Variants in PPP1R8 observed in about 807,000 individuals in gnomAD.
PPP1R8 encodes the protein nuclear inhibitor of protein phosphatase 1.
In PPP1R8, 4 loss-of-function variants were observed where a neutral mutation model predicts 31.3. The ratio of observed to expected loss-of-function variants is 0.13; its 90% CI spans 0.06 to 0.29. The LOEUF (loss-of-function observed/expected upper bound fraction) is 0.29. PPP1R8 is among the 10% of genes least tolerant of loss of function. The probability of loss-of-function intolerance (pLI) is 1.00; values close to 1 mark genes in which losing one functional copy is unlikely to be tolerated. For missense variants in PPP1R8, 254 were observed against 440.1 expected (o/e 0.58, Z 3.78); for synonymous variants, 170 against 169.7 (o/e 1.00, Z -0.01).
At chr1:27,847,542 C>T (rs919948502) in intron 6 of PPP1R8, among the ~76,000 whole-genome samples, 3 of 150,926 alleles carry the variant, frequency 2.0e-5, no homozygotes, top group African/African-American at 7.3e-5. Context: ...ACCATCCTGG[C>T]CAACATGTTG....
intron 2 of PPP1R8, among the ~76,000 whole-genome samples, chr1:27,835,651 A>G (rs768994647): frequency 3.3e-5 from 5 of 152,240 alleles, no homozygotes; most frequent in African/African-American, 4.8e-5. Flanking sequence ...AGTGTGACCC[A>G]CAGTACTTAT....
At chr1:27,849,893 G>A (rs1240579926) in intron 6 of PPP1R8, among the ~76,000 whole-genome samples, 200 bp from the exon 7 acceptor site, 3 of 152,228 alleles carry the variant, frequency 2.0e-5, no homozygotes, top group Admixed American at 2.0e-4. Flanking sequence ...AACCATCGTA[G>A]ATGACTGGAA....
intron 4 of PPP1R8, among the ~76,000 whole-genome samples, chr1:27,842,323 CAA>C (rs1455280520): frequency 1.0e-5 from 1 of 96,326 alleles, no homozygotes; most frequent in African/African-American, 4.3e-5. Flanking sequence ...GCCTGGGCAA[CAA>C]GAGCGAAACT....
At chr1:27,831,013 G>A in intron 1 of PPP1R8, 122 bp downstream of exon 1, 2 of 1,421,888 alleles carry the variant, frequency 1.4e-6, no homozygotes, top group Admixed American at 3.1e-5. Context: ...GAATGGTTGA[G>A]GAAAAACTGT....
chr1:27,843,140 T>C (rs2089239000), intron 4 of PPP1R8, 46 bp from the exon 5 acceptor site: 1 of 1,604,056 alleles, frequency 6.2e-7, no homozygotes. Flanking sequence ...TCCATCAGAT[T>C]CCCTTTGTAC....
chr1:27,838,670 A>G, intron 2 of PPP1R8, 29 bp from the exon 3 acceptor site: 1 of 1,368,670 alleles, frequency 7.3e-7, no homozygotes, highest in Non-Finnish European at 9.7e-7. Flanking sequence ...AACAAGATTT[A>G]AGTAATATTT....
In PPP1R8 at chr1:27,851,466, C is replaced by T; in HGVS notation, c.*1020C>T. 4.5e-6 allele frequency: 2 copies of T among 446,740 alleles called. No homozygotes were observed. Among genetic ancestry groups the T allele is most frequent in the Non-Finnish European group, 9.1e-6 (2 of 219,734 alleles). 27.7% of individuals were successfully genotyped at this position (446,740 alleles called of 1,614,324 possible). ...CATTTGTGTAATAGGCCTTTTCATG[C>T]TTTATGTGTAGCTTTTTACCTGTAA... is the stretch of plus-strand genomic sequence containing the variant. On this transcript the variant is annotated 3_prime_UTR_variant, in exon 7 of 7. Transcript: ENST00000311772.
At chr1:27,838,916 T>A in intron 3 of PPP1R8, 64 bp downstream of exon 3, 1 of 1,387,530 alleles carries the variant, frequency 7.2e-7, no homozygotes, top group Non-Finnish European at 9.6e-7. Flanking sequence ...CTTTGGGTTC[T>A]TTAGTTTGGA....
intron 6 of PPP1R8, among the ~76,000 whole-genome samples, chr1:27,848,667 A>C (rs2089309345): frequency 6.6e-6 from 1 of 152,330 alleles, no homozygotes; most frequent in African/African-American, 2.4e-5. Context: ...TCCTGCTTAG[A>C]CTTTGTTTAA....
At chr1:27,841,639 G>A (rs1326639408) in intron 4 of PPP1R8, among the ~76,000 whole-genome samples, 2 of 152,240 alleles carry the variant, frequency 1.3e-5, no homozygotes, top group African/African-American at 4.8e-5. Context: ...ATGTTGGCTA[G>A]TGCAAAGAGA....
chr1:27,830,946 G>A (rs2089095507), intron 1 of PPP1R8, 55 bp downstream of exon 1: 3 of 1,485,932 alleles, frequency 2.0e-6, no homozygotes, highest in Non-Finnish European at 1.8e-6. Flanking sequence ...AGCCTGGGCT[G>A]GAAGGGCGGC....
At position 27,850,215 on chromosome 1, in the gene PPP1R8, C is replaced by T. The variant is rs1164292605; in HGVS notation, c.825C>T (p.Gly275=). The change falls in exon 7 of 7, where the codon GGC becomes GGT. Residue 275 remains glycine, a synonymous_variant. Coordinates refer to ENST00000311772, the MANE Select transcript of PPP1R8 (RefSeq NM_014110.5). ...TGCCCCCCACACACAGTGAAGCAGG[C>T]TCCCAGCCACATGGCATCCATGGGA... is the stretch of plus-strand genomic sequence containing the variant. The part of the protein sequence containing the change: ...GGLPPTHSEA[G]SQPHGIHGTA... 2 of 1,614,232 alleles carry T rather than the reference C, an allele frequency of 1.2e-6. No individual in the cohort carries two copies. The highest frequency in any genetic ancestry group is 1.1e-5 in the South Asian group (1 of 91,086).
rs889552630 is a variant in PPP1R8 at position 27,832,769 on chromosome 1, C to T, written c.70C>T (p.Pro24Ser). 7 of 1,610,614 alleles carry T rather than the reference C, an allele frequency of 4.3e-6. No individual in the cohort carries two copies. Among genetic ancestry groups the T allele is most frequent in the Non-Finnish European group, 5.9e-6 (7 of 1,178,276 alleles). The change falls in exon 2 of 7, where the codon CCT becomes TCT. Residue 24 changes from proline to serine, a missense_variant. Physicochemically the swap from Pro to Ser is moderately conservative, Grantham distance 74 (BLOSUM62 -1). Transcript: ENST00000311772. ...TTTATTTTTCAGGGCAGGTAAGCCC[C>T]CTCCCGGTTTACATCTGGATGTAGT... Reference protein sequence around the residue: ...FDCPTWAGKPPPGLHLDVVKG... With the variant: ...FDCPTWAGKPSPGLHLDVVKG...
At chr1:27,847,506 CA>C (rs78384567) in intron 6 of PPP1R8, among the ~76,000 whole-genome samples, 2,281 of 82,038 alleles carry the variant, frequency 0.028, 16 homozygotes, top group Non-Finnish European at 0.038. Flanking sequence ...GACTCTGTCT[CA>C]AAAAAAAAAA....
At chr1:27,839,322 G>GT (rs2089200218) in intron 3 of PPP1R8, among the ~76,000 whole-genome samples, 2 of 152,228 alleles carry the variant, frequency 1.3e-5, no homozygotes, top group Middle Eastern at 6.8e-3. Flanking sequence ...GAGGCCAGGA[G>GT]TTTGAGACCA....
At chr1:27,832,839 T>G (rs200413116) in intron 2 of PPP1R8, 23 bp downstream of exon 2, 103 of 1,585,808 alleles carry the variant, frequency 6.5e-5, no homozygotes, top group Non-Finnish European at 8.8e-5. Flanking sequence ...ATGTCTTACT[T>G]TTTTGGCTGC....
At chr1:27,833,901 TA>T (rs1228377636) in intron 2 of PPP1R8, among the ~76,000 whole-genome samples, 1 of 152,252 alleles carries the variant, frequency 6.6e-6, no homozygotes, top group Middle Eastern at 3.2e-3. Context: ...TTTCTCCTGT[TA>T]TGAATACATC....
At chr1:27,833,643 T>C (rs1216643203) in intron 2 of PPP1R8, among the ~76,000 whole-genome samples, 1 of 152,200 alleles carries the variant, frequency 6.6e-6, no homozygotes, top group African/African-American at 2.4e-5. Context: ...GAGTCTCCCA[T>C]ATTAGACCAA....
At chr1:27,832,617 G>A in intron 1 of PPP1R8, 139 bp from the exon 2 acceptor site, 2 of 627,212 alleles carry the variant, frequency 3.2e-6, no homozygotes, top group Admixed American at 3.5e-5. Context: ...TGTAATAACA[G>A]TGAAGTGGAT....
Sources: allele counts gnomAD v4.1 joint callset (sites outside exome capture counted in the v4.1 genomes callset), GRCh38; gene constraint gnomAD v4.1.1; transcripts MANE v1.5; gene names NCBI Gene and HGNC (gene_info 2026-07-23, HGNC 2026-07-21).